Variants in FBXL7 observed in about 807,000 individuals in gnomAD.
FBXL7 encodes the protein F-box and leucine rich repeat protein 7.
In FBXL7, 12 loss-of-function variants were observed where a neutral mutation model predicts 38.3. That is an observed-to-expected ratio of 0.31 (90% CI 0.20 to 0.51). The LOEUF (loss-of-function observed/expected upper bound fraction) is 0.51, where lower values mean the gene tolerates loss of function less well. Ranked by LOEUF, FBXL7 falls within the 20% of genes least tolerant of loss-of-function variation. The probability of loss-of-function intolerance (pLI) is 0.98; values close to 1 mark genes in which losing one functional copy is unlikely to be tolerated. For missense variants in FBXL7, 567 were observed against 676.4 expected (o/e 0.84, Z 1.79); for synonymous variants, 297 against 300.9 (o/e 0.99, Z 0.13).
intron 2 of FBXL7, among the ~76,000 whole-genome samples, chr5:15,630,974 G>A (rs1444251879): frequency 6.6e-6 from 1 of 151,848 alleles, no homozygotes; most frequent in African/African-American, 2.4e-5. Context: ...ATTATTTCCA[G>A]TTCTTCTCCA....
intron 1 of FBXL7, among the ~76,000 whole-genome samples, chr5:15,558,177 AAAAG>A (rs1738308954): frequency 6.6e-6 from 1 of 152,230 alleles, no homozygotes; most frequent in South Asian, 2.1e-4. Flanking sequence ...AAAATTTTTA[AAAAG>A]AAAGAAATAC....
chr5:15,834,390 T>C (rs539919314), intron 2 of FBXL7, among the ~76,000 whole-genome samples: 10 of 152,238 alleles, frequency 6.6e-5, no homozygotes, highest in Non-Finnish European at 1.5e-4. Context: ...ATTCTTCTTA[T>C]GCACTTTTGA....
chr5:15,691,413 C>T (rs1223211611), intron 2 of FBXL7, among the ~76,000 whole-genome samples: 7 of 152,230 alleles, frequency 4.6e-5, no homozygotes, highest in Admixed American at 1.3e-4. Context: ...TCCGGTTGCT[C>T]TTCCAAGCCT....
chr5:15,726,706 A>ATAAATAAATAAAT (rs1375317319), intron 2 of FBXL7, among the ~76,000 whole-genome samples: 1 of 151,072 alleles, frequency 6.6e-6, no homozygotes, highest in African/African-American at 2.4e-5. Flanking sequence ...AAATAAATAA[A>ATAAATAAATAAAT]TAAATAAATA....
intron 2 of FBXL7, among the ~76,000 whole-genome samples, chr5:15,883,969 G>T (rs1740569310): frequency 1.3e-5 from 2 of 152,166 alleles, no homozygotes; most frequent in African/African-American, 4.8e-5. Flanking sequence ...TTGCTGAAGT[G>T]ATCAAACAAA....
At position 15,928,158 on chromosome 5, in the gene FBXL7, C is replaced by G; in HGVS notation, c.396C>G (p.Asn132Lys). The G allele has an allele frequency of 1.9e-6, 3 of 1,611,174 alleles. No homozygotes were observed. Among genetic ancestry groups the G allele is most frequent in the Non-Finnish European group, 2.5e-6 (3 of 1,179,038 alleles). Residue 132 changes from asparagine (N) to lysine (K), a missense_variant, in exon 3 of 4, where the codon AAC becomes AAG. By Grantham distance (94) the Asn-to-Lys change is moderately conservative. Coordinates refer to ENST00000504595, the MANE Select transcript of FBXL7 (RefSeq NM_012304.5). This position sits in a 1 kb window ranked among gnomAD's most constrained non-coding sequence, Gnocchi z 4.0. ...AGATCTTCTCCTTCCTGCCCACCAA[C>G]CAGCTGTGCCGCTGCGCGCGAGTGT... is the stretch of plus-strand genomic sequence containing the variant. ...MVQIFSFLPT[N>K]QLCRCARVCR...
At chr5:15,771,653 C>T (rs1441389976) in intron 2 of FBXL7, among the ~76,000 whole-genome samples, 1 of 151,964 alleles carries the variant, frequency 6.6e-6, no homozygotes, top group Admixed American at 6.6e-5. Flanking sequence ...GTAGGTATTA[C>T]TGAGGTACAG....
At position 15,500,652 on chromosome 5, in the gene FBXL7, A is replaced by G; in HGVS notation, c.-25A>G. 2 of 1,613,220 alleles carry G rather than the reference A, an allele frequency of 1.2e-6. No individual in the cohort carries two copies. Among genetic ancestry groups the G allele is most frequent in the South Asian group, 2.2e-5 (2 of 91,054 alleles). ...CGCCGCAGCTATGGAGTGTCCCGGG[A>G]GACGGCGGGCATGACGGCTACAGGA... On this transcript the variant is annotated 5_prime_UTR_variant, in exon 1 of 4. Transcript: ENST00000504595.
intron 2 of FBXL7, among the ~76,000 whole-genome samples, chr5:15,685,061 C>T (rs1742973769): frequency 6.6e-6 from 1 of 151,654 alleles, no homozygotes; most frequent in African/African-American, 2.4e-5. Flanking sequence ...TTTAGTAAGT[C>T]GGATCCCTGC....
At chr5:15,813,653 G>A (rs1302554016) in intron 2 of FBXL7, among the ~76,000 whole-genome samples, 3 of 151,968 alleles carry the variant, frequency 2.0e-5, no homozygotes, top group Non-Finnish European at 2.9e-5. Flanking sequence ...TACAGAATGG[G>A]AGAAAATTTT....
intron 2 of FBXL7, among the ~76,000 whole-genome samples, chr5:15,707,916 C>T (rs1424533845): frequency 6.6e-6 from 1 of 152,156 alleles, no homozygotes; most frequent in Non-Finnish European, 1.5e-5. Flanking sequence ...TTCCCACCAC[C>T]CTGTATCTTT....
At chr5:15,690,974 A>G (rs1453722816) in intron 2 of FBXL7, among the ~76,000 whole-genome samples, 6 of 152,224 alleles carry the variant, frequency 3.9e-5, no homozygotes, top group Admixed American at 3.3e-4. Flanking sequence ...ACTCTAAGTT[A>G]AGGGAAAGGA....
At chr5:15,619,285 T>C (rs1740549733) in intron 2 of FBXL7, among the ~76,000 whole-genome samples, 1 of 152,196 alleles carries the variant, frequency 6.6e-6, no homozygotes, top group Non-Finnish European at 1.5e-5. Context: ...TTAACAACTT[T>C]TAATGTTAAC....
chr5:15,605,105 C>T (rs1203261211), intron 1 of FBXL7, among the ~76,000 whole-genome samples: 1 of 152,150 alleles, frequency 6.6e-6, no homozygotes, highest in Non-Finnish European at 1.5e-5. Context: ...TCTGCCTATC[C>T]TGGGGCTGCA....
chr5:15,850,937 T>C (rs961887981), intron 2 of FBXL7, among the ~76,000 whole-genome samples: 1 of 152,248 alleles, frequency 6.6e-6, no homozygotes, highest in African/African-American at 2.4e-5. Context: ...CTCTTGCGGC[T>C]TGGCTGTCGC....
chr5:15,811,708 AT>A (rs1284931194), intron 2 of FBXL7, among the ~76,000 whole-genome samples: 7 of 152,156 alleles, frequency 4.6e-5, no homozygotes, highest in African/African-American at 1.7e-4. Flanking sequence ...AAAAGAAGAC[AT>A]TTATATGGCC....
At chr5:15,530,781 G>A (rs1180008318) in intron 1 of FBXL7, among the ~76,000 whole-genome samples, 13 of 152,212 alleles carry the variant, frequency 8.5e-5, no homozygotes, top group African/African-American at 3.1e-4. Flanking sequence ...GTGACAACAT[G>A]TACAAAGTAT....
intron 2 of FBXL7, among the ~76,000 whole-genome samples, chr5:15,626,065 T>G (rs923691520): frequency 2.6e-5 from 4 of 152,184 alleles, no homozygotes; most frequent in African/African-American, 9.7e-5. Context: ...TTATAAAGGT[T>G]TGTTTTCGTC....
At chr5:15,589,384 A>T (rs1739403776) in intron 1 of FBXL7, among the ~76,000 whole-genome samples, 1 of 151,922 alleles carries the variant, frequency 6.6e-6, no homozygotes, top group African/African-American at 2.4e-5. Context: ...TGGTTGTTTA[A>T]AAGTATGTAG....
Sources: gnomAD v4.1 joint callset for allele counts (sites outside exome capture counted in the v4.1 genomes callset) on GRCh38, gnomAD v4.1.1 for gene constraint, Gnocchi (gnomAD v3.1) non-coding constraint, MANE v1.5 for transcripts, NCBI Gene and HGNC (gene_info 2026-07-23, HGNC 2026-07-21) for gene names.